NBEA: variants seen among roughly 807,000 people sequenced by gnomAD.
NBEA encodes neurobeachin.
A neutral mutation model predicts 343.4 loss-of-function variants in NBEA; 44 were observed. That is an observed-to-expected ratio of 0.13 (90% confidence interval 0.10 to 0.16). The LOEUF is 0.16. Among genes scored for constraint, NBEA ranks in the 10% least tolerant of loss-of-function variants. The pLI is 1.00. For synonymous variants in NBEA, 1,175 were observed against 1,238.7 expected, an observed-to-expected ratio of 0.95 and a Z score of 1.08; for missense variants, 2,555 against 3,631.3, an observed-to-expected ratio of 0.70 and a Z score of 7.62.
chr13:35,313,735 A>C (rs575676602), intron 36 of NBEA, among the ~76,000 whole-genome samples: 1 of 152,274 alleles, frequency 6.6e-6, no homozygotes, highest in Admixed American at 6.5e-5. Flanking sequence ...AGAGGATGCT[A>C]TGGGAGCAGG....
At chr13:35,646,724 A>T (rs945702108) in intron 51 of NBEA, among the ~76,000 whole-genome samples, 2 of 152,218 alleles carry the variant, frequency 1.3e-5, no homozygotes, top group African/African-American at 4.8e-5. Flanking sequence ...TCGTGGCAAG[A>T]TACAGTAGGG....
intron 1 of NBEA, among the ~76,000 whole-genome samples, chr13:35,010,599 T>G (rs2152532688): frequency 7.0e-6 from 1 of 142,120 alleles, no homozygotes; most frequent in Non-Finnish European, 1.5e-5. Flanking sequence ...AAAAAATAGA[T>G]GGGCCAGGCA....
At chr13:35,245,614 C>T (rs761021045) in intron 34 of NBEA, among the ~76,000 whole-genome samples, 1 of 152,178 alleles carries the variant, frequency 6.6e-6, no homozygotes, top group Non-Finnish European at 1.5e-5. Flanking sequence ...AGATAGGTTT[C>T]CAATCCCTTC....
At chr13:35,643,289 G>T (rs2084058575) in intron 49 of NBEA, among the ~76,000 whole-genome samples, 1 of 151,976 alleles carries the variant, frequency 6.6e-6, no homozygotes. Context: ...GGCAGCCTGG[G>T]CTTGTCTCCC....
intron 53 of NBEA, among the ~76,000 whole-genome samples, chr13:35,653,328 C>CTTT (rs139682136): frequency 8.8e-6 from 1 of 114,046 alleles, no homozygotes; most frequent in African/African-American, 3.3e-5. Flanking sequence ...TTCTTGGGTT[C>CTTT]TTTTTTTTTT....
At chr13:35,231,427 C>A (rs952558120) in intron 33 of NBEA, among the ~76,000 whole-genome samples, 1 of 151,928 alleles carries the variant, frequency 6.6e-6, no homozygotes, top group Non-Finnish European at 1.5e-5. Flanking sequence ...CAAAATGTTA[C>A]CTGGCATTGT....
At chr13:35,089,353 C>T (rs2064946042) in intron 10 of NBEA, among the ~76,000 whole-genome samples, 1 of 151,114 alleles carries the variant, frequency 6.6e-6, no homozygotes, top group African/African-American at 2.4e-5. Flanking sequence ...ATCAAAACTG[C>T]AATGAGATAC....
chr13:34,972,862 G>T (rs949741125), intron 1 of NBEA, among the ~76,000 whole-genome samples: 3 of 152,292 alleles, frequency 2.0e-5, no homozygotes, highest in Admixed American at 2.0e-4. Context: ...CCTCAGCCCA[G>T]TTCCGAACCC....
chr13:35,274,379 T>G (rs1183255023), intron 34 of NBEA, among the ~76,000 whole-genome samples: 1 of 152,170 alleles, frequency 6.6e-6, no homozygotes, highest in Non-Finnish European at 1.5e-5. Flanking sequence ...TAATAAGAGC[T>G]ATTTATGACA....
chr13:35,148,499 A>G (rs1848836707), intron 18 of NBEA, among the ~76,000 whole-genome samples: 1 of 152,172 alleles, frequency 6.6e-6, no homozygotes, highest in Admixed American at 6.5e-5. Flanking sequence ...TACAAGCTGT[A>G]TTATAGTCTT....
rs1447742637 is a variant in NBEA, at chr13:35,208,732, C to T, written c.5399C>T (p.Pro1800Leu). 1 of 1,608,658 alleles carries T rather than the reference C, an allele frequency of 6.2e-7. No homozygotes were observed. Among genetic ancestry groups the T allele is most frequent in the South Asian group, 1.1e-5 (1 of 90,380 alleles). Residue 1800 changes from proline to leucine, a missense_variant, in exon 32 of 59, where the codon CCA (proline) becomes CTA (leucine). By Grantham distance (98) the Pro-to-Leu change is moderately conservative (BLOSUM62 -3). Coordinates refer to ENST00000379939, the MANE Select transcript of NBEA (RefSeq NM_001385012.1). ...SVVVPVKKPP[P>L]GSLAVTTVGA... is the part of the protein sequence containing the mutation. The stretch of plus-strand genomic sequence containing the variant: ...GTGGTGCCTGTAAAGAAACCACCTC[C>T]AGGTAGTTTAGCTGTAACCACTGTG...
intron 31 of NBEA, among the ~76,000 whole-genome samples, 155 bp from the exon 32 acceptor site, chr13:35,208,545 C>T (rs1316359047): frequency 6.6e-6 from 1 of 152,052 alleles, no homozygotes; most frequent in Non-Finnish European, 1.5e-5. Flanking sequence ...CATATCCTTT[C>T]CACTGACAAA....
intron 38 of NBEA, among the ~76,000 whole-genome samples, chr13:35,354,432 G>A (rs117615202): frequency 0.035 from 5,329 of 152,260 alleles, 141 homozygotes; most frequent in Non-Finnish European, 0.054. Flanking sequence ...TACAGCTAAA[G>A]GACAGTGACC....
intron 38 of NBEA, among the ~76,000 whole-genome samples, chr13:35,383,847 G>C (rs1238790284): frequency 5.9e-5 from 9 of 151,950 alleles, no homozygotes; most frequent in Admixed American, 5.9e-4. Flanking sequence ...AGAATTTCAG[G>C]AAAAAATACA....
At chr13:35,545,154 C>G (rs946882550) in intron 41 of NBEA, among the ~76,000 whole-genome samples, 1 of 152,162 alleles carries the variant, frequency 6.6e-6, no homozygotes, top group African/African-American at 2.4e-5. Context: ...TTTATAGTAT[C>G]AGGCCATATT....
intron 40 of NBEA, 31 bp from the exon 41 acceptor site, chr13:35,472,369 C>T (rs1486847667): frequency 6.2e-7 from 1 of 1,604,964 alleles, no homozygotes; most frequent in Non-Finnish European, 8.5e-7. Context: ...CACAGGGGCT[C>T]AGCCTGACTC....
At chr13:35,563,140 T>TAG (rs1555303340) in intron 44 of NBEA, among the ~76,000 whole-genome samples, 5 of 133,318 alleles carry the variant, frequency 3.8e-5, no homozygotes, top group African/African-American at 1.6e-4. Flanking sequence ...TGGAGATAGA[T>TAG]AGATAGATAG....
At chr13:35,471,175 C>T (rs1355689086) in intron 40 of NBEA, among the ~76,000 whole-genome samples, 3 of 152,194 alleles carry the variant, frequency 2.0e-5, no homozygotes, top group Non-Finnish European at 2.9e-5. Flanking sequence ...CCTCTGTGTT[C>T]CCGCAGCCTC....
intron 8 of NBEA, among the ~76,000 whole-genome samples, chr13:35,061,312 A>G (rs2063460094): frequency 6.6e-6 from 1 of 151,728 alleles, no homozygotes; most frequent in Non-Finnish European, 1.5e-5. Context: ...CAGTTTGGAA[A>G]ATAAAATACA....
Sources: allele counts gnomAD v4.1 joint callset (sites outside exome capture counted in the v4.1 genomes callset), GRCh38; gene constraint gnomAD v4.1.1; transcripts MANE v1.5; gene names NCBI Gene and HGNC (gene_info 2026-07-23, HGNC 2026-07-21).